KANK1: variants seen among roughly 807,000 people sequenced by gnomAD.
The protein encoded by KANK1 is KN motif and ankyrin repeat domain-containing protein 1.
In KANK1, 109 loss-of-function variants were observed where a neutral mutation model predicts 106.2. The ratio of observed to expected loss-of-function variants is 1.03; its 90% CI spans 0.88 to 1.20. KANK1 has a LOEUF of 1.20. KANK1 is among the 50% of genes most tolerant of loss of function. KANK1 has a pLI of 0.00. For synonymous variants in KANK1, 873 were observed against 652.2 expected, an observed-to-expected ratio of 1.34 and a Z score of -5.16; for missense variants, 2,399 against 1,710.7, an observed-to-expected ratio of 1.40 and a Z score of -7.10.
rs533111804 is a variant in KANK1, at chr9:737,684, T to G, written c.3334-601T>G. Among the ~76,000 whole-genome samples the G allele has an allele frequency of 2.6e-5, 4 of 152,228 alleles. No homozygotes were observed. The South Asian group carries it at 8.3e-4, about 32-fold the overall frequency. ...CGTGGTTGAACAGTTGTATTTGGGA[T>G]TGGGGTGGGAATTGGGTTGGCTATA... On this transcript the variant is annotated intron_variant, in intron 7 of 11. Coordinates refer to ENST00000382297, the MANE Select transcript of KANK1 (RefSeq NM_015158.5).
rs137902000 is a variant in KANK1, at chr9:664,597, T to A, written c.-83-12293T>A. 5.3e-4 allele frequency among the ~76,000 whole-genome samples: 80 copies of A among 152,326 alleles called. 3 individuals are homozygous for A. The highest frequency in any genetic ancestry group is 1.8e-3 in the African/African-American group (73 of 41,558). ...TCCATTGATGGACACTTAGGTTGATTCCATATTTTGTCTATTATGGATAGT... is the reference window on the plus strand; with the variant it reads ...TCCATTGATGGACACTTAGGTTGATACCATATTTTGTCTATTATGGATAGT... On this transcript the variant is annotated intron_variant, in intron 1 of 11. Coordinates refer to ENST00000382297, the MANE Select transcript of KANK1 (RefSeq NM_015158.5).
chr9:703,426 A>G (rs1053549714), intron 2 of KANK1, among the ~76,000 whole-genome samples: 4 of 152,082 alleles, frequency 2.6e-5, no homozygotes, highest in African/African-American at 9.7e-5. Flanking sequence ...GAATAGGACC[A>G]TTTTCTGTAG....
At chr9:714,242 C>T (rs1046788041) in intron 3 of KANK1, among the ~76,000 whole-genome samples, 3 of 151,478 alleles carry the variant, frequency 2.0e-5, no homozygotes, top group South Asian at 2.1e-4. Context: ...TGTCAGGAGG[C>T]GATAAATACT....
intron 1 of KANK1, among the ~76,000 whole-genome samples, chr9:520,858 C>T (rs908556817): frequency 2.0e-5 from 3 of 151,672 alleles, no homozygotes; most frequent in African/African-American, 7.3e-5. Flanking sequence ...TACACTTCTT[C>T]CTCTCTTGAC....
rs539839243 is a variant in KANK1 at position 712,587 on chromosome 9, G to A, written c.1821G>A (p.Glu607=). 1 of 1,614,136 alleles carries A rather than the reference G, an allele frequency of 6.2e-7. No individual in the cohort carries two copies. Among genetic ancestry groups the A allele is most frequent in the African/African-American group, 1.3e-5 (1 of 75,038 alleles). Residue 607 remains glutamate (E), a synonymous_variant, in exon 3 of 12, where the codon GAG becomes GAA. Coordinates refer to ENST00000382297, the MANE Select transcript of KANK1 (RefSeq NM_015158.5). The stretch of plus-strand genomic sequence containing the variant: ...TCTGCGAAACAGGCAGCAACACAGA[G>A]GAGTCTGTGAACGACCTCACACTCC... ...VSVCETGSNT[E]ESVNDLTLLK...
In KANK1 at chr9:713,400, A is replaced by C; in HGVS notation, c.2634A>C (p.Lys878Asn). 6.2e-7 allele frequency: 1 copy of C among 1,613,540 alleles called. No individual in the cohort carries two copies. The highest frequency in any genetic ancestry group is 1.1e-5 in the South Asian group (1 of 90,904). Residue 878 changes from lysine to asparagine, a missense_variant, in exon 3 of 12, where the codon AAA becomes AAC. Transcript: ENST00000382297. ...STLSSINSVMKSASTEELRNP... is the reference protein window; with the variant it reads ...STLSSINSVMNSASTEELRNP... ...TGTCGTCTATCAACTCTGTCATGAA[A>C]TCTGCAAGCACTGAAGAGCTGAGGA... is the stretch of plus-strand genomic sequence containing the variant.
intron 1 of KANK1, among the ~76,000 whole-genome samples, chr9:634,298 G>T (rs983871798): frequency 1.3e-5 from 2 of 152,114 alleles, no homozygotes; most frequent in Admixed American, 1.3e-4. Context: ...GTGCAAAATG[G>T]TCTAATCCTG....
intron 1 of KANK1, among the ~76,000 whole-genome samples, chr9:540,061 T>C (rs1296453716): frequency 6.6e-6 from 1 of 152,242 alleles, no homozygotes; most frequent in Non-Finnish European, 1.5e-5. Flanking sequence ...CTAAAACTTC[T>C]AGTACTATAT....
intron 2 of KANK1, among the ~76,000 whole-genome samples, chr9:695,614 G>C (rs732118): frequency 6.7e-6 from 1 of 149,034 alleles, no homozygotes; most frequent in African/African-American, 2.5e-5. Flanking sequence ...TTCGTGGGGG[G>C]GGGGGCAAGG....
intron 1 of KANK1, among the ~76,000 whole-genome samples, chr9:614,820 A>G (rs760919355): frequency 2.8e-4 from 42 of 152,320 alleles, no homozygotes; most frequent in Non-Finnish European, 4.9e-4. Context: ...ATATTTTTAA[A>G]AAATCACTAC....
chr9:657,945 C>T (rs1428289011), intron 1 of KANK1, among the ~76,000 whole-genome samples: 3 of 151,960 alleles, frequency 2.0e-5, no homozygotes, highest in African/African-American at 7.3e-5. Context: ...TGCAGTGGCT[C>T]TTCACAGGTG....
chr9:653,610 A>G (rs7851886), intron 1 of KANK1, among the ~76,000 whole-genome samples: 27,580 of 151,928 alleles, frequency 0.18, 2,750 homozygotes, highest in East Asian at 0.32. Context: ...TTTGCATTTG[A>G]TTTCGGAGGT....
intron 1 of KANK1, among the ~76,000 whole-genome samples, chr9:508,356 C>T (rs1465194740): frequency 1.3e-5 from 2 of 151,728 alleles, no homozygotes; most frequent in Non-Finnish European, 2.9e-5. Flanking sequence ...AGGCTGGTCT[C>T]GAACTCCCGA....
chr9:523,923 G>T (rs1046497739), intron 1 of KANK1, among the ~76,000 whole-genome samples: 1 of 151,428 alleles, frequency 6.6e-6, no homozygotes, highest in Non-Finnish European at 1.5e-5. Context: ...GCTTTTCCAG[G>T]GCAGGAACCT....
chr9:729,551 G>C (rs1384923844), intron 3 of KANK1, among the ~76,000 whole-genome samples: 2 of 152,236 alleles, frequency 1.3e-5, no homozygotes, highest in African/African-American at 4.8e-5. Flanking sequence ...GTCCCAGTAA[G>C]GACGACAGGA....
At chr9:494,366 T>A (rs1367877183) in intron 3 of KANK1, among the ~76,000 whole-genome samples, 1 of 152,230 alleles carries the variant, frequency 6.6e-6, no homozygotes, top group Non-Finnish European at 1.5e-5. Context: ...TAGAATTATT[T>A]CATGTATACC....
chr9:734,483 T>G (rs1439789149), intron 6 of KANK1: 6 of 318,376 alleles, frequency 1.9e-5, no homozygotes, highest in Non-Finnish European at 3.7e-5. Context: ...CTGGCCAACA[T>G]AGTGAAACCC....
At chr9:735,697 T>A in intron 7 of KANK1, 1 of 412,744 alleles carries the variant, frequency 2.4e-6, no homozygotes. Flanking sequence ...TTCTATATCA[T>A]AATACCTAAT....
intron 1 of KANK1, among the ~76,000 whole-genome samples, chr9:555,273 G>A (rs568448302): frequency 3.3e-5 from 5 of 152,104 alleles, no homozygotes; most frequent in African/African-American, 1.2e-4. Flanking sequence ...AGGGTGATAC[G>A]ATGACTCTAT....
Sources: allele counts gnomAD v4.1 joint callset (sites outside exome capture counted in the v4.1 genomes callset), GRCh38; gene constraint gnomAD v4.1.1; transcripts MANE v1.5; gene names NCBI Gene and HGNC (gene_info 2026-07-23, HGNC 2026-07-21).